Variants in NAA60 observed in about 807,000 individuals in gnomAD.
The protein encoded by NAA60 is N-alpha-acetyltransferase 60, NatF catalytic subunit.
In NAA60, 8 loss-of-function variants were observed where a neutral mutation model predicts 26.1. That is an observed-to-expected ratio of 0.31 (90% CI 0.18 to 0.55). NAA60 has a LOEUF of 0.55. NAA60 is among the 20% of genes least tolerant of loss of function. The probability of loss-of-function intolerance (pLI) is 0.93; values close to 1 mark genes in which losing one functional copy is unlikely to be tolerated. For missense variants in NAA60, 290 were observed against 311.3 expected, an observed-to-expected ratio of 0.93 and a Z score of 0.51; for synonymous variants, 131 against 122.5, an observed-to-expected ratio of 1.07 and a Z score of -0.46.
At chr16:3,457,955 A>AGGGGGCGGGGCCACGT (rs2035086493) in intron 2 of NAA60, 2 of 983,518 alleles carry the variant, frequency 2.0e-6, no homozygotes, top group Non-Finnish European at 2.4e-6. Context: ...CGCCGGCCTC[A>AGGGGGCGGGGCCACGT]GGGGGCGGGG....
chr16:3,470,429 C>T (rs1348283438), intron 2 of NAA60, among the ~76,000 whole-genome samples: 2 of 152,214 alleles, frequency 1.3e-5, no homozygotes, highest in Non-Finnish European at 2.9e-5. Context: ...TGTTCAGGCC[C>T]TGGGACCCCA....
At chr16:3,455,895 C>T (rs540123118) in intron 2 of NAA60, among the ~76,000 whole-genome samples, 14 of 151,732 alleles carry the variant, frequency 9.2e-5, no homozygotes, top group Non-Finnish European at 1.8e-4. Context: ...TTAGTAGCGA[C>T]GGGGTTTCAC....
Position 3,484,914 on chromosome 16 carries a change from C to T in NAA60, c.*59C>T, listed in dbSNP as rs764332403. The stretch of plus-strand genomic sequence containing the variant: ...TTCGGCCGCCCGCAGAGCCCGCCTT[C>T]CTGTCCATCTGACCCCTTCTGTTTT... On this transcript the variant is annotated 3_prime_UTR_variant, in exon 7 of 8. Coordinates refer to ENST00000407558, the MANE Select transcript of NAA60 (RefSeq NM_001083601.3). 1.9e-6 allele frequency: 3 copies of T among 1,547,248 alleles called. No homozygotes were observed. The South Asian group carries it at 3.6e-5, about 18-fold the overall frequency.
In NAA60 at chr16:3,484,972, C is replaced by T. The variant is rs758482944; in HGVS notation, c.*117C>T. 1.2e-5 allele frequency: 19 copies of T among 1,529,346 alleles called. No homozygotes were observed. The highest frequency in any genetic ancestry group is 1.7e-4 in the Middle Eastern group (1 of 5,996). 94.7% of individuals were successfully genotyped at this position (1,529,346 alleles called of 1,614,324 possible). A position where few individuals can be genotyped will look rare whatever the true frequency, so the allele number is the denominator to read the frequency against. ...GAGCTGCCAGCCATCTAACTGGGCTCGTCGGCCTGCCCCAGCTGCAGGCCC... is the reference window on the plus strand; with the variant it reads ...GAGCTGCCAGCCATCTAACTGGGCTTGTCGGCCTGCCCCAGCTGCAGGCCC... On this transcript the variant is annotated 3_prime_UTR_variant, in exon 7 of 8. Transcript: ENST00000407558.
chr16:3,459,281 T>TG (rs1210320856), intron 2 of NAA60, among the ~76,000 whole-genome samples: 1 of 152,158 alleles, frequency 6.6e-6, no homozygotes. Flanking sequence ...ACTCTAGAAA[T>TG]GCGGCAGTCC....
intron 2 of NAA60, among the ~76,000 whole-genome samples, chr16:3,450,544 C>G (rs1298073560): frequency 2.0e-5 from 3 of 151,628 alleles, no homozygotes; most frequent in Non-Finnish European, 2.9e-5. Flanking sequence ...ACTAAAAATA[C>G]AAAAAATTAG....
intron 3 of NAA60, among the ~76,000 whole-genome samples, chr16:3,477,205 A>G (rs1207215663): frequency 2.6e-5 from 4 of 152,232 alleles, no homozygotes; most frequent in African/African-American, 7.2e-5. Context: ...TGTACCATTT[A>G]ACAGTGTTTC....
chr16:3,449,830 G>GT (rs1318626747), intron 2 of NAA60: 1 of 354,676 alleles, frequency 2.8e-6, no homozygotes, highest in African/African-American at 2.1e-5. Context: ...AGATCTAATG[G>GT]TTTTTAAAAA....
intron 2 of NAA60, among the ~76,000 whole-genome samples, chr16:3,451,596 C>G (rs1277545493): frequency 1.3e-5 from 2 of 152,058 alleles, no homozygotes; most frequent in Admixed American, 6.6e-5. Flanking sequence ...ACAATGAGAC[C>G]TTTTTCAGTT....
chr16:3,451,734 A>G lies in NAA60; in HGVS notation c.-7+3194A>G, dbSNP rs142761825. On this transcript the variant is annotated intron_variant, in intron 2 of 7. Transcript: ENST00000407558. The stretch of plus-strand genomic sequence containing the variant: ...GGAGTTGGAGACCAGCCTGGGCAAC[A>G]TGACAAAACCTCGTCTCTACAAAAA... Among the ~76,000 whole-genome samples the G allele has an allele frequency of 5.3e-5, 8 of 152,102 alleles. No homozygotes were observed. In the East Asian group the frequency reaches 1.4e-3, roughly 26 times the overall value.
chr16:3,484,615 A>ACAGGCCACTGCG lies in NAA60; in HGVS notation c.573-82_573-71dup, dbSNP rs2037057549. 47 of 1,512,648 alleles carry ACAGGCCACTGCG rather than the reference A, an allele frequency of 3.1e-5. No homozygotes were observed. In the South Asian group the frequency reaches 5.4e-4, roughly 17 times the overall value. The allele number at this position is 1,512,648 out of a possible 1,614,324, so 93.7% of individuals were successfully genotyped here. A position where few individuals can be genotyped will look rare whatever the true frequency, so the allele number is the denominator to read the frequency against. ...TGGCTTGCCATCTGCACACAGTCCC[A>ACAGGCCACTGCG]CAGGCCACTGCGCGGGCCCCTGATG... is the stretch of plus-strand genomic sequence containing the variant. On this transcript the variant is annotated intron_variant, in intron 6 of 7. Coordinates refer to ENST00000407558, the MANE Select transcript of NAA60 (RefSeq NM_001083601.3).
chr16:3,450,679 G>A (rs367861338), intron 2 of NAA60, among the ~76,000 whole-genome samples: 51 of 133,730 alleles, frequency 3.8e-4, no homozygotes, highest in South Asian at 3.7e-3. Context: ...CAGCCTGGGC[G>A]ACAGAGTGAG....
rs955003186 is a variant in NAA60, at chr16:3,486,543, A to C, written c.*1283A>C. 1 of 152,214 alleles carries C rather than the reference A, an allele frequency of 6.6e-6. No individual in the cohort carries two copies. The highest frequency in any genetic ancestry group is 6.5e-5 in the Admixed American group (1 of 15,286). The allele number at this position is 152,214 out of a possible 1,614,324, so 9.4% of individuals were successfully genotyped here. On this transcript the variant is annotated 3_prime_UTR_variant, in exon 8 of 8. Transcript: ENST00000407558. ...TCCCCTCTTGAACTCAGCTGGGGCC[A>C]GGGGCCCTCAGAATGAAGGCAGGCA...
intron 2 of NAA60, among the ~76,000 whole-genome samples, chr16:3,465,579 G>C (rs948612977): frequency 6.6e-6 from 1 of 152,186 alleles, no homozygotes; most frequent in African/African-American, 2.4e-5. Flanking sequence ...AGCAACCTCA[G>C]ACAGCTTCCT....
intron 1 of NAA60, among the ~76,000 whole-genome samples, chr16:3,447,137 G>A (rs556856808): frequency 9.9e-5 from 15 of 152,206 alleles, no homozygotes; most frequent in East Asian, 7.7e-4. Context: ...CCCTGCCCCC[G>A]GCCCCTATTC....
chr16:3,463,428 G>A (rs528184656), intron 2 of NAA60, among the ~76,000 whole-genome samples: 1 of 151,290 alleles, frequency 6.6e-6, no homozygotes, highest in African/African-American at 2.4e-5. Flanking sequence ...CTTAATGTCT[G>A]TACTGTCAGC....
chr16:3,475,969 A>C (rs2036453505), intron 2 of NAA60, among the ~76,000 whole-genome samples: 1 of 152,198 alleles, frequency 6.6e-6, no homozygotes, highest in Non-Finnish European at 1.5e-5. Context: ...GGCTTCCTTC[A>C]GCTGGGGCTG....
chr16:3,443,897 A>T, intron 1 of NAA60, 60 bp downstream of exon 1: 1 of 1,486,834 alleles, frequency 6.7e-7, no homozygotes, highest in Non-Finnish European at 8.9e-7. Flanking sequence ...GAGCAAGGTG[A>T]TTGAGAGGGC....
intron 2 of NAA60, chr16:3,458,272 G>A: frequency 1.2e-6 from 1 of 847,234 alleles, no homozygotes; most frequent in Non-Finnish European, 1.4e-6. Context: ...CGGGGTCAGG[G>A]GGGCCAGCGC....
Sources: gnomAD v4.1 joint callset for allele counts (sites outside exome capture counted in the v4.1 genomes callset) on GRCh38, gnomAD v4.1.1 for gene constraint, MANE v1.5 for transcripts, NCBI Gene and HGNC (gene_info 2026-07-23, HGNC 2026-07-21) for gene names.